Variants in LRP1B observed in about 807,000 individuals in gnomAD.
LRP1B encodes low-density lipoprotein receptor-related protein 1B.
In LRP1B, 217 loss-of-function variants were observed where a neutral mutation model predicts 556.6. That is an observed-to-expected ratio of 0.39 (90% CI 0.35 to 0.44). The LOEUF (loss-of-function observed/expected upper bound fraction) is 0.44, where lower values mean the gene tolerates loss of function less well. Ranked by LOEUF, LRP1B falls within the 20% of genes least tolerant of loss-of-function variation. The pLI is 1.00. For synonymous variants in LRP1B, 2,047 were observed against 1,865.8 expected (o/e 1.10, Z -2.50); for missense variants, 5,053 against 5,620.8 (o/e 0.90, Z 3.23).
intron 2 of LRP1B, among the ~76,000 whole-genome samples, chr2:141,791,016 T>C (rs1695591375): frequency 6.6e-6 from 1 of 152,040 alleles, no homozygotes; most frequent in African/African-American, 2.4e-5. Context: ...TCTTTTTAAA[T>C]GGTATAAAAT....
At chr2:140,598,591 T>C in intron 43 of LRP1B, 40 bp downstream of exon 43, 1 of 1,449,952 alleles carries the variant, frequency 6.9e-7, no homozygotes, top group South Asian at 1.1e-5. Context: ...AAATATATCA[T>C]TGTATAACTC....
chr2:141,330,005 A>T (rs1345567119), intron 3 of LRP1B, among the ~76,000 whole-genome samples: 16 of 151,692 alleles, frequency 1.1e-4, no homozygotes, highest in African/African-American at 3.4e-4. Flanking sequence ...TTATAGATAA[A>T]AAAAAAAAGC....
At chr2:140,721,589 C>A (rs1215126681) in intron 35 of LRP1B, among the ~76,000 whole-genome samples, 1 of 136,256 alleles carries the variant, frequency 7.3e-6, no homozygotes, top group African/African-American at 2.7e-5. Flanking sequence ...ACTCTGTCGC[C>A]CAGCCTGGAG....
At chr2:141,145,555 C>CA (rs1347742008) in intron 7 of LRP1B, among the ~76,000 whole-genome samples, 1 of 146,352 alleles carries the variant, frequency 6.8e-6, no homozygotes, top group African/African-American at 2.6e-5. Context: ...TTTTTAGAGA[C>CA]AGAGTTTTGC....
intron 1 of LRP1B, among the ~76,000 whole-genome samples, chr2:142,045,124 A>G (rs1282231991): frequency 7.5e-6 from 1 of 134,074 alleles, no homozygotes; most frequent in Non-Finnish European, 1.6e-5. Context: ...TTTCTACATT[A>G]CAATATTACC....
chr2:141,857,637 C>T (rs78252788), intron 1 of LRP1B, among the ~76,000 whole-genome samples: 2,923 of 152,214 alleles, frequency 0.019, 77 homozygotes, highest in South Asian at 0.067. Flanking sequence ...GCACCCGACC[C>T]CTCTCCATTT....
intron 1 of LRP1B, among the ~76,000 whole-genome samples, chr2:142,044,050 C>T (rs977039354): frequency 6.6e-6 from 1 of 151,620 alleles, no homozygotes; most frequent in Non-Finnish European, 1.5e-5. Context: ...TCTTCAATAA[C>T]ATATTTTATT....
chr2:140,556,283 G>T (rs1393344852), intron 43 of LRP1B, among the ~76,000 whole-genome samples: 1 of 151,956 alleles, frequency 6.6e-6, no homozygotes, highest in Non-Finnish European at 1.5e-5. Context: ...TTGGAGGAAA[G>T]GACACCCTAA....
chr2:140,529,791 C>A (rs567428955), intron 47 of LRP1B, among the ~76,000 whole-genome samples: 9 of 152,104 alleles, frequency 5.9e-5, no homozygotes, highest in African/African-American at 1.4e-4. Context: ...GCATATCATG[C>A]ACTCTTCCTG....
At chr2:140,748,316 T>C (rs112202553) in intron 35 of LRP1B, among the ~76,000 whole-genome samples, 6,676 of 129,726 alleles carry the variant, frequency 0.051, 488 homozygotes, top group East Asian at 0.21. Context: ...ATTATATTCA[T>C]ATATAATATA....
intron 1 of LRP1B, among the ~76,000 whole-genome samples, chr2:141,909,377 G>A (rs2104948678): frequency 6.6e-6 from 1 of 152,082 alleles, no homozygotes. Flanking sequence ...TTTGGATGAT[G>A]CTTAATTGTT....
Position 140,850,197 on chromosome 2 carries a change from G to A in LRP1B, c.4844C>T (p.Ala1615Val), listed in dbSNP as rs765212179. The A allele has an allele frequency of 6.2e-7, 1 of 1,613,036 alleles. No homozygotes were observed. Among genetic ancestry groups the A allele is most frequent in the South Asian group, 1.1e-5 (1 of 91,068 alleles). Residue 1615 changes from alanine to valine, a missense_variant, in exon 29 of 91, where the codon GCA (alanine) becomes GTA (valine). Coordinates refer to ENST00000389484, the MANE Select transcript of LRP1B (RefSeq NM_018557.3). ...IDDVTVIDFD[A>V]SEERLYWTDI... ...TGTCCAGTATAAACGTTCCTCAGAT[G>A]CATCGAAGTCTATCACAGTAACGTC...
chr2:140,787,461 T>G (rs554205027), intron 32 of LRP1B, among the ~76,000 whole-genome samples: 70 of 152,110 alleles, frequency 4.6e-4, no homozygotes, highest in Non-Finnish European at 7.6e-4. Context: ...ACCTGATCCC[T>G]TATGGGTTTG....
chr2:141,031,272 CACACACACAT>C (rs796496871), intron 11 of LRP1B, among the ~76,000 whole-genome samples: 105 of 98,750 alleles, frequency 1.1e-3, no homozygotes, highest in African/African-American at 2.8e-3. Flanking sequence ...CACACACACA[CACACACACAT>C]ACATACATAT....
At chr2:140,587,263 G>C (rs902651611) in intron 43 of LRP1B, among the ~76,000 whole-genome samples, 13 of 152,166 alleles carry the variant, frequency 8.5e-5, no homozygotes, top group Non-Finnish European at 1.9e-4. Context: ...GTCCTACAAG[G>C]AGAGGAGAAA....
chr2:140,739,011 G>A (rs1174563664), intron 35 of LRP1B, among the ~76,000 whole-genome samples: 8 of 152,128 alleles, frequency 5.3e-5, no homozygotes, highest in African/African-American at 1.7e-4. Flanking sequence ...GCTAAGTCAC[G>A]TCTGTGTCCA....
intron 1 of LRP1B, among the ~76,000 whole-genome samples, chr2:141,897,205 A>G (rs1376064158): frequency 6.6e-6 from 1 of 152,170 alleles, no homozygotes; most frequent in Non-Finnish European, 1.5e-5. Flanking sequence ...CCAAAAAAAG[A>G]CACACTGTAA....
chr2:140,578,685 A>G (rs1257490175), intron 43 of LRP1B, among the ~76,000 whole-genome samples: 1 of 152,182 alleles, frequency 6.6e-6, no homozygotes, highest in African/African-American at 2.4e-5. Flanking sequence ...GCACATGTAT[A>G]CATATGTAAC....
chr2:141,510,234 ACC>A lies in LRP1B; in HGVS notation c.206-29703_206-29702del, dbSNP rs1553524127. Among the ~76,000 whole-genome samples, 1,031 of 145,296 alleles carry A rather than the reference ACC, an allele frequency of 7.1e-3. 9 individuals are homozygous for A. The highest frequency in any genetic ancestry group is 0.013 in the East Asian group (62 of 4,914). ...CACACACACACACACACACACACAC[ACC>A]CCCCACAGTCATTTGATGATATTTC... On this transcript the variant is annotated intron_variant, in intron 2 of 90. Coordinates refer to ENST00000389484, the MANE Select transcript of LRP1B (RefSeq NM_018557.3).
Sources: gnomAD v4.1 joint callset for allele counts (sites outside exome capture counted in the v4.1 genomes callset) on GRCh38, gnomAD v4.1.1 for gene constraint, MANE v1.5 for transcripts, NCBI Gene and HGNC (gene_info 2026-07-23, HGNC 2026-07-21) for gene names.